MNT: variants seen among roughly 807,000 people sequenced by gnomAD.
The protein encoded by MNT is max-binding protein MNT.
MNT carries 13 observed loss-of-function variants against 40.7 expected under a neutral mutation model. The ratio of observed to expected loss-of-function variants is 0.32; its 90% CI spans 0.21 to 0.51. The LOEUF is 0.51. Among genes scored for constraint, MNT ranks in the 20% least tolerant of loss-of-function variants. The pLI is 0.98. For synonymous variants in MNT, 426 were observed against 354.8 expected, an observed-to-expected ratio of 1.20 and a Z score of -2.26; for missense variants, 757 against 792.0, an observed-to-expected ratio of 0.96 and a Z score of 0.53.
At position 2,387,005 on chromosome 17, in the gene MNT, C is replaced by A; in HGVS notation, c.1645G>T (p.Ala549Ser). ...AGCTGGGGGTGGTGCACCACCTGAGCCCCCACGGCCGGCTTTGCCATGACA... is the reference window on the plus strand; with the variant it reads ...AGCTGGGGGTGGTGCACCACCTGAGACCCCACGGCCGGCTTTGCCATGACA... Reference protein sequence around the residue: ...ATVMAKPAVGAQVVHHPQLVG... With the variant: ...ATVMAKPAVGSQVVHHPQLVG... The change falls in exon 6 of 6, where the codon GCT becomes TCT. Residue 549 changes from alanine (A) to serine (S), a missense_variant. Transcript: ENST00000174618. 1 of 1,533,016 alleles carries A rather than the reference C, an allele frequency of 6.5e-7. No homozygotes were observed. Among genetic ancestry groups the A allele is most frequent in the East Asian group, 2.4e-5 (1 of 41,852 alleles). The allele number at this position is 1,533,016 out of a possible 1,614,324, so 95.0% of individuals were successfully genotyped here. A position where few individuals can be genotyped will look rare whatever the true frequency, so the allele number is the denominator to read the frequency against.
Position 2,394,159 on chromosome 17 carries a change from A to C in MNT, c.696-5T>G, listed in dbSNP as rs766621384. 7.5e-6 allele frequency: 12 copies of C among 1,602,344 alleles called. No individual in the cohort carries two copies. The African/African-American group carries it at 1.1e-4, about 15-fold the overall frequency. ...CACTCTTTCAGATGGGCCCTCCTGAAGAGAGGGGCGAGCGCCGGTCAGCGG... is the reference window on the plus strand; with the variant it reads ...CACTCTTTCAGATGGGCCCTCCTGACGAGAGGGGCGAGCGCCGGTCAGCGG... On this transcript the variant is annotated splice_polypyrimidine_tract_variant and splice_region_variant and intron_variant, in intron 3 of 5. Transcript: ENST00000174618.
intron 1 of MNT, 84 bp from the exon 2 acceptor site, chr17:2,395,538 G>A (rs2066571208): frequency 8.2e-6 from 13 of 1,581,330 alleles, no homozygotes; most frequent in Non-Finnish European, 1.1e-5. Context: ...CCCTAGCCCA[G>A]TCAGTACTCA....
At chr17:2,399,830 C>A (rs1183713457) in intron 1 of MNT, among the ~76,000 whole-genome samples, 1 of 152,204 alleles carries the variant, frequency 6.6e-6, no homozygotes, top group Non-Finnish European at 1.5e-5. Context: ...GGGTTTGGAA[C>A]GCGCAGACAC....
In MNT at chr17:2,384,241, T is replaced by TG. The variant is rs2066436040; in HGVS notation, c.*2659_*2660insC. On this transcript the variant is annotated 3_prime_UTR_variant, in exon 6 of 6. Coordinates refer to ENST00000174618, the MANE Select transcript of MNT (RefSeq NM_020310.3). ...TGTACAAAATTAGGGTTTTTGTAGT[T>TG]TTTTTTTTTTTCCACACAGCAGATG... 1.3e-5 allele frequency: 2 copies of TG among 150,466 alleles called. No homozygotes were observed. Among genetic ancestry groups the TG allele is most frequent in the South Asian group, 4.2e-4 (2 of 4,736 alleles). 9.3% of individuals were successfully genotyped at this position (150,466 alleles called of 1,614,324 possible).
At position 2,386,809 on chromosome 17, in the gene MNT, G is replaced by A; in HGVS notation, c.*92C>T. 7.4e-7 allele frequency: 1 copy of A among 1,349,014 alleles called. No homozygotes were observed. Among genetic ancestry groups the A allele is most frequent in the South Asian group, 1.6e-5 (1 of 60,906 alleles). 83.6% of individuals were successfully genotyped at this position (1,349,014 alleles called of 1,614,324 possible). On this transcript the variant is annotated 3_prime_UTR_variant, in exon 6 of 6. Coordinates refer to ENST00000174618, the MANE Select transcript of MNT (RefSeq NM_020310.3). The stretch of plus-strand genomic sequence containing the variant: ...GGGGTGGGTGGGGGGGCTGGCCTGG[G>A]CCTGGCTGGAATGTGTGGAGCTGGT...
chr17:2,400,935 G>T lies in MNT; in HGVS notation c.-223C>A. The T allele has an allele frequency of 2.3e-5, 8 of 341,042 alleles. No homozygotes were observed. The highest frequency in any genetic ancestry group is 5.0e-5 in the Admixed American group (1 of 19,990). 21.1% of individuals were successfully genotyped at this position (341,042 alleles called of 1,614,324 possible). ...TAAAATTGCAAATTTAAAAAAATGG[G>T]ATGCAAAAAAAAAAAAAAGGCGGCA... On this transcript the variant is annotated 5_prime_UTR_variant, in exon 1 of 6. Transcript: ENST00000174618.
Position 2,387,313 on chromosome 17 carries a change from G to A in MNT, c.1337C>T (p.Thr446Ile), listed in dbSNP as rs2066473194. The change falls in exon 6 of 6, where the codon ACC becomes ATC. Residue 446 changes from threonine (T) to isoleucine (I), a missense_variant. This residue lies in a region of MNT where 345 missense variants were observed against 380.1 expected (regional missense o/e 0.91). Coordinates refer to ENST00000174618, the MANE Select transcript of MNT (RefSeq NM_020310.3). Reference protein sequence around the residue: ...GGSTVIAHTATTHASVIQTVN... With the variant: ...GGSTVIAHTAITHASVIQTVN... ...AGTCTGGATGACTGAAGCGTGAGTG[G>A]TGGCTGTGTGGGCGATGACCGTGGA... 2.5e-6 allele frequency: 4 copies of A among 1,613,290 alleles called. No individual in the cohort carries two copies. Among genetic ancestry groups the A allele is most frequent in the Non-Finnish European group, 3.4e-6 (4 of 1,179,804 alleles).
At position 2,387,966 on chromosome 17, in the gene MNT, T is replaced by C; in HGVS notation, c.891A>G (p.Ala297=). ...REKIATQQRL[A]ELKHELSQWM... is the part of the protein sequence containing the mutation. ...ACTGGCTCAGCTCGTGCTTGAGCTCTGCCAGCCGCTGCTGCGTGGCAATCT... is the reference window on the plus strand; with the variant it reads ...ACTGGCTCAGCTCGTGCTTGAGCTCCGCCAGCCGCTGCTGCGTGGCAATCT... The change falls in exon 5 of 6, where the codon GCA becomes GCG. Residue 297 remains alanine (A), a synonymous_variant. Transcript: ENST00000174618. The C allele has an allele frequency of 6.3e-7, 1 of 1,598,170 alleles. No individual in the cohort carries two copies. Among genetic ancestry groups the C allele is most frequent in the Non-Finnish European group, 8.5e-7 (1 of 1,171,962 alleles).
In MNT at chr17:2,394,363, T is replaced by C. The variant is rs778495496; in HGVS notation, c.654-17A>G. On this transcript the variant is annotated splice_polypyrimidine_tract_variant and intron_variant, in intron 2 of 5. Transcript: ENST00000174618. ...GTTCCGATCCTGAAACCCAGACAGA[T>C]AGGAGGCTCAGGGAGGAGGACTCGA... 29 of 1,613,500 alleles carry C rather than the reference T, an allele frequency of 1.8e-5. No homozygotes were observed. Among genetic ancestry groups the C allele is most frequent in the Admixed American group, 8.3e-5 (5 of 59,960 alleles).
intron 1 of MNT, among the ~76,000 whole-genome samples, chr17:2,395,658 C>T (rs372379008): frequency 4.6e-5 from 7 of 152,056 alleles, no homozygotes; most frequent in East Asian, 3.9e-4. Flanking sequence ...ACCTGTTCCC[C>T]GCCACCAGGG....
At chr17:2,394,193 G>GCGGGGCTGGGA (rs767234076) in intron 3 of MNT, 39 bp from the exon 4 acceptor site, 11 of 1,604,708 alleles carry the variant, frequency 6.9e-6, no homozygotes, top group Middle Eastern at 1.8e-4. Context: ...GGTGCCTGGG[G>GCGGGGCTGGGA]CGGGGCTGGG....
rs1237910133 is a variant in MNT, at chr17:2,387,259, C to T, written c.1391G>A (p.Gly464Asp). 1 of 1,612,924 alleles carries T rather than the reference C, an allele frequency of 6.2e-7. No individual in the cohort carries two copies. The highest frequency in any genetic ancestry group is 8.5e-7 in the Non-Finnish European group (1 of 1,179,590). Residue 464 changes from glycine (G) to aspartate (D), a missense_variant, in exon 6 of 6, where the codon GGC (glycine) becomes GAC (aspartate). This residue lies in a region of MNT where 345 missense variants were observed against 380.1 expected (regional missense o/e 0.91). Transcript: ENST00000174618. ...TVNHVLQGPG[G>D]KHIAHIAPSA... is the part of the protein sequence containing the mutation. Reference sequence around the variant, plus strand: ...GGGGGCGATGTGGGCGATGTGCTTGCCGCCTGGCCCCTGCAGAACGTGGTT... The same window carrying T: ...GGGGGCGATGTGGGCGATGTGCTTGTCGCCTGGCCCCTGCAGAACGTGGTT...
intron 1 of MNT, among the ~76,000 whole-genome samples, chr17:2,398,761 C>T (rs564910621): frequency 3.3e-4 from 50 of 152,210 alleles, no homozygotes; most frequent in Non-Finnish European, 6.9e-4. Context: ...CGGTCTTCCC[C>T]TGACCCCTGT....
Position 2,387,232 on chromosome 17 carries a change from G to C in MNT, c.1418C>G (p.Ser473Trp). 1 of 1,612,002 alleles carries C rather than the reference G, an allele frequency of 6.2e-7. No homozygotes were observed. Among genetic ancestry groups the C allele is most frequent in the Non-Finnish European group, 8.5e-7 (1 of 1,179,352 alleles). Reference protein sequence around the residue: ...GGKHIAHIAPSAPSPAVQLAP... With the variant: ...GGKHIAHIAPWAPSPAVQLAP... ...CAGTTGCACCGCAGGGCTGGGGGCC[G>C]AGGGGGCGATGTGGGCGATGTGCTT... Residue 473 changes from serine (S) to tryptophan (W), a missense_variant, in exon 6 of 6, where the codon TCG (serine) becomes TGG (tryptophan). By Grantham distance (177) the Ser-to-Trp change is radical. Coordinates refer to ENST00000174618, the MANE Select transcript of MNT (RefSeq NM_020310.3).
In MNT at chr17:2,385,460, G is replaced by A. The variant is rs985599610; in HGVS notation, c.*1441C>T. On this transcript the variant is annotated 3_prime_UTR_variant, in exon 6 of 6. Coordinates refer to ENST00000174618, the MANE Select transcript of MNT (RefSeq NM_020310.3). ...TCCAGGTGGGGAGCCGAGCGTGTCT[G>A]ACACAAAGCCACTTGTAATAAACAC... The A allele has an allele frequency of 1.3e-5, 2 of 152,306 alleles. No individual in the cohort carries two copies. Among genetic ancestry groups the A allele is most frequent in the Non-Finnish European group, 2.9e-5 (2 of 68,096 alleles). The allele number at this position is 152,306 out of a possible 1,614,324, so 9.4% of individuals were successfully genotyped here.
intron 1 of MNT, among the ~76,000 whole-genome samples, chr17:2,398,883 T>G (rs1171007412): frequency 1.3e-5 from 2 of 152,150 alleles, no homozygotes; most frequent in South Asian, 2.1e-4. Flanking sequence ...GCCCATCACT[T>G]CTGCAAAACC....
intron 4 of MNT, 145 bp from the exon 5 acceptor site, chr17:2,388,194 C>A (rs2066484098): frequency 4.1e-6 from 3 of 726,410 alleles, no homozygotes; most frequent in Non-Finnish European, 6.7e-6. Flanking sequence ...CTGCTGGAGA[C>A]CGCACCTGTT....
At chr17:2,392,284 C>G (rs184887212) in intron 4 of MNT, among the ~76,000 whole-genome samples, 6 of 152,180 alleles carry the variant, frequency 3.9e-5, no homozygotes, top group Non-Finnish European at 8.8e-5. Flanking sequence ...TTTGAGGTTC[C>G]TGCTTCTGTG....
chr17:2,387,593 G>A lies in MNT; in HGVS notation c.1057C>T (p.Pro353Ser), dbSNP rs756853458. ...GGCTGGGGACGATGGCTCAGCTTAG[G>A]TGGGCCCAGGCCCGCCCGGTCCTCC... ...MEEDRAGLGP[P>S]KLSHRPQPEL... Residue 353 changes from proline (P) to serine (S), a missense_variant, in exon 6 of 6, where the codon CCT (proline) becomes TCT (serine). Pro to Ser is a moderately conservative substitution (Grantham distance 74, BLOSUM62 -1). This residue lies in a region of MNT where 345 missense variants were observed against 380.1 expected (regional missense o/e 0.91). Transcript: ENST00000174618. The A allele has an allele frequency of 7.4e-6, 12 of 1,614,000 alleles. No individual in the cohort carries two copies. The highest frequency in any genetic ancestry group is 5.0e-5 in the Admixed American group (3 of 60,002).
Sources: allele counts gnomAD v4.1 joint callset (sites outside exome capture counted in the v4.1 genomes callset), GRCh38; gene constraint gnomAD v4.1.1; regional missense constraint gnomAD v4.1.1; transcripts MANE v1.5; gene names NCBI Gene and HGNC (gene_info 2026-07-23, HGNC 2026-07-21).